The following AGMO variants were observed in gnomAD, a reference collection of about 807,000 sequenced individuals.
AGMO encodes alkylglycerol monooxygenase.
In AGMO, 75 loss-of-function variants were observed where a neutral mutation model predicts 60.2. The ratio of observed to expected loss-of-function variants is 1.25; its 90% CI spans 1.03 to 1.51. The LOEUF (loss-of-function observed/expected upper bound fraction) is 1.51. AGMO is among the 40% of genes most tolerant of loss of function. The pLI is 0.00. For missense variants in AGMO, 763 were observed against 525.5 expected (o/e 1.45, Z -4.42); for synonymous variants, 261 against 177.1 (o/e 1.47, Z -3.76).
chr7:15,220,080 T>C (rs977984037), intron 12 of AGMO, among the ~76,000 whole-genome samples: 31 of 152,124 alleles, frequency 2.0e-4, no homozygotes, highest in African/African-American at 7.0e-4. Context: ...ATGATGTCCA[T>C]TCTTTTATAC....
intron 3 of AGMO, among the ~76,000 whole-genome samples, chr7:15,443,103 C>G (rs914403866): frequency 6.6e-6 from 1 of 152,212 alleles, no homozygotes; most frequent in Admixed American, 6.5e-5. Context: ...ACTCATTGTC[C>G]AAGTCCACGT....
intron 3 of AGMO, among the ~76,000 whole-genome samples, chr7:15,515,488 G>C (rs1011202637): frequency 6.6e-6 from 1 of 152,180 alleles, no homozygotes; most frequent in African/African-American, 2.4e-5. Context: ...ATTAGAATGT[G>C]CTTTGTTGTC....
At chr7:15,198,251 G>GAGAGAGAGAGAGAC (rs1781183663), downstream of AGMO, among the ~76,000 whole-genome samples, 4 of 74,356 alleles carry the variant, frequency 5.4e-5, no homozygotes, top group South Asian at 4.9e-4. Context: ...GAGAGAGAGA[G>GAGAGAGAGAGAGAC]AGAGACAGAG....
intron 10 of AGMO, among the ~76,000 whole-genome samples, chr7:15,384,353 A>C (rs1783825268): frequency 6.6e-6 from 1 of 152,202 alleles, no homozygotes; most frequent in Admixed American, 6.5e-5. Flanking sequence ...TAAAAATGAC[A>C]GCTAGGACAA....
chr7:15,195,703 G>A (rs763567133), downstream of AGMO, among the ~76,000 whole-genome samples: 10 of 152,102 alleles, frequency 6.6e-5, no homozygotes, highest in Admixed American at 6.5e-5. Context: ...ACTGCAGCTT[G>A]ATTTTACAGA....
intron 12 of AGMO, among the ~76,000 whole-genome samples, chr7:15,290,834 C>G (rs1480001340): frequency 6.6e-6 from 1 of 152,192 alleles, no homozygotes; most frequent in South Asian, 2.1e-4. Flanking sequence ...ATTTTGAGAT[C>G]TTACACTAGA....
intron 12 of AGMO, among the ~76,000 whole-genome samples, chr7:15,328,534 T>C (rs1463834727): frequency 3.9e-5 from 6 of 152,170 alleles, no homozygotes; most frequent in Admixed American, 6.5e-5. Flanking sequence ...AGTACAGGAA[T>C]AATTGAAAGA....
At chr7:15,512,660 A>G (rs1248805696) in intron 3 of AGMO, among the ~76,000 whole-genome samples, 1 of 152,116 alleles carries the variant, frequency 6.6e-6, no homozygotes, top group Non-Finnish European at 1.5e-5. Context: ...TCACTTAGTA[A>G]ATTGCTTGCT....
intron 3 of AGMO, among the ~76,000 whole-genome samples, chr7:15,503,783 TG>T (rs1783445512): frequency 6.6e-6 from 1 of 152,160 alleles, no homozygotes; most frequent in East Asian, 1.9e-4. Flanking sequence ...AGTCAGGGCA[TG>T]CAAGGAACAT....
chr7:15,511,728 T>C (rs1783678363), intron 3 of AGMO, among the ~76,000 whole-genome samples: 1 of 152,248 alleles, frequency 6.6e-6, no homozygotes, highest in South Asian at 2.1e-4. Context: ...TGTTTCATTG[T>C]ACATGGAACA....
chr7:15,148,856 T>A, the AGMO span, among the ~76,000 whole-genome samples: 1 of 152,092 alleles, frequency 6.6e-6, no homozygotes, highest in East Asian at 1.9e-4. Flanking sequence ...GATTAGTGGG[T>A]CAAATGGTGG....
chr7:15,293,132 C>A (rs1474981756), intron 12 of AGMO, among the ~76,000 whole-genome samples: 1 of 152,020 alleles, frequency 6.6e-6, no homozygotes, highest in African/African-American at 2.4e-5. Context: ...ATTCTATGAG[C>A]CAGGTTTCAT....
At chr7:15,250,044 A>G (rs1034791142) in intron 12 of AGMO, among the ~76,000 whole-genome samples, 3 of 152,176 alleles carry the variant, frequency 2.0e-5, no homozygotes, top group Non-Finnish European at 4.4e-5. Flanking sequence ...CCACTTGTGA[A>G]TTTATCCTTA....
intron 12 of AGMO, among the ~76,000 whole-genome samples, chr7:15,287,234 A>G (rs1784123377): frequency 6.6e-6 from 1 of 152,164 alleles, no homozygotes; most frequent in South Asian, 2.1e-4. Context: ...AATAAAATAT[A>G]TTTTTTAAAA....
intron 12 of AGMO, among the ~76,000 whole-genome samples, chr7:15,325,069 A>G (rs62450331): frequency 0.028 from 4,271 of 152,270 alleles, 76 homozygotes; most frequent in Middle Eastern, 0.058. Flanking sequence ...ACCCCTCAGG[A>G]AGCCCTGTAA....
At chr7:15,318,962 C>T (rs1781024688) in intron 12 of AGMO, among the ~76,000 whole-genome samples, 1 of 152,126 alleles carries the variant, frequency 6.6e-6, no homozygotes, top group African/African-American at 2.4e-5. Flanking sequence ...TAGTCACTGG[C>T]ATCTTGAAAT....
chr7:15,310,410 C>A (rs1780736090), intron 12 of AGMO, among the ~76,000 whole-genome samples: 1 of 151,996 alleles, frequency 6.6e-6, no homozygotes, highest in Non-Finnish European at 1.5e-5. Flanking sequence ...ATTTGGTTTC[C>A]ATTTGGAAAA....
chr7:15,184,097 C>T, the AGMO span, among the ~76,000 whole-genome samples: 2,714 of 152,138 alleles, frequency 0.018, 79 homozygotes, highest in African/African-American at 0.061. Context: ...TTAACAGATA[C>T]CATATACTCA....
At chr7:15,168,762 G>C in the AGMO span, among the ~76,000 whole-genome samples, 1 of 152,124 alleles carries the variant, frequency 6.6e-6, no homozygotes, top group Non-Finnish European at 1.5e-5. Context: ...GCAGTTTTTG[G>C]GGTGTCAAAA....
Sources: gnomAD v4.1 joint callset for allele counts (sites outside exome capture counted in the v4.1 genomes callset) on GRCh38, gnomAD v4.1.1 for gene constraint, MANE v1.5 for transcripts, NCBI Gene and HGNC (gene_info 2026-07-23, HGNC 2026-07-21) for gene names.